The following GRM7 variants were observed in gnomAD, a reference collection of about 807,000 sequenced individuals.
GRM7 encodes the protein glutamate metabotropic receptor 7.
Under a neutral mutation model 84.5 loss-of-function variants are expected in GRM7, and 35 were observed. That is an observed-to-expected ratio of 0.41 (90% CI 0.32 to 0.55). The LOEUF is 0.55. Among genes scored for constraint, GRM7 ranks in the 20% least tolerant of loss-of-function variants. The pLI is 0.19. For synonymous variants in GRM7, 487 were observed against 455.1 expected (o/e 1.07, Z -0.89); for missense variants, 1,003 against 1,194.6 (o/e 0.84, Z 2.36).
At chr3:7,567,959 C>T (rs1012718025) in intron 7 of GRM7, among the ~76,000 whole-genome samples, 2 of 152,000 alleles carry the variant, frequency 1.3e-5, no homozygotes, top group Non-Finnish European at 2.9e-5. Flanking sequence ...CAGGGTGTCC[C>T]AGTTTATGAA....
At chr3:7,217,046 TG>T (rs1197761751) in intron 2 of GRM7, among the ~76,000 whole-genome samples, 2 of 152,184 alleles carry the variant, frequency 1.3e-5, no homozygotes, top group Admixed American at 6.5e-5. Flanking sequence ...TGGCATACCT[TG>T]AAGGTAGTTT....
chr3:6,969,690 G>C (rs1467184795), intron 1 of GRM7, among the ~76,000 whole-genome samples: 2 of 152,162 alleles, frequency 1.3e-5, no homozygotes, highest in Non-Finnish European at 2.9e-5. Context: ...TCCATCACAT[G>C]ATCTCCATGG....
intron 2 of GRM7, among the ~76,000 whole-genome samples, chr3:7,207,673 T>C (rs73126263): frequency 0.064 from 9,738 of 152,208 alleles, 866 homozygotes; most frequent in African/African-American, 0.21. Context: ...AAGTGAAGGA[T>C]TCTCTCTCCT....
chr3:7,690,776 A>G (rs1700771158), intron 9 of GRM7, among the ~76,000 whole-genome samples: 2 of 152,232 alleles, frequency 1.3e-5, no homozygotes, highest in Admixed American at 6.5e-5. Context: ...TGGTAAACAC[A>G]AAAACATAAG....
intron 1 of GRM7, among the ~76,000 whole-genome samples, chr3:7,072,498 A>G (rs1006633197): frequency 6.6e-6 from 1 of 152,062 alleles, no homozygotes; most frequent in East Asian, 1.9e-4. Context: ...CCTTGGCAAC[A>G]TAGTGAGACC....
chr3:7,206,286 A>G (rs1018241155), intron 2 of GRM7, among the ~76,000 whole-genome samples: 20 of 152,224 alleles, frequency 1.3e-4, no homozygotes, highest in Non-Finnish European at 5.9e-5. Context: ...TTAAATGTTC[A>G]GTGGGAGAAG....
chr3:7,081,606 A>G (rs1698278571), intron 1 of GRM7, among the ~76,000 whole-genome samples: 1 of 152,072 alleles, frequency 6.6e-6, no homozygotes, highest in Non-Finnish European at 1.5e-5. Flanking sequence ...CTCACTTTAA[A>G]TCAACAGCTA....
At chr3:7,221,232 C>T (rs895601275) in intron 2 of GRM7, among the ~76,000 whole-genome samples, 1 of 152,124 alleles carries the variant, frequency 6.6e-6, no homozygotes, top group Middle Eastern at 3.2e-3. Flanking sequence ...GTTTTCTTTA[C>T]CAAATGTTTG....
chr3:7,155,954 A>G (rs1043731935), intron 2 of GRM7, among the ~76,000 whole-genome samples: 3 of 152,190 alleles, frequency 2.0e-5, no homozygotes, highest in Non-Finnish European at 4.4e-5. Context: ...CACTTAAACC[A>G]CATTGTCCAT....
intron 6 of GRM7, 122 bp downstream of exon 6, chr3:7,452,929 T>C: frequency 3.1e-6 from 2 of 643,412 alleles, no homozygotes; most frequent in East Asian, 5.5e-5. Context: ...ATTATAAAAC[T>C]TTAAATGATT....
At chr3:7,380,121 C>T (rs913991917) in intron 4 of GRM7, among the ~76,000 whole-genome samples, 7 of 151,844 alleles carry the variant, frequency 4.6e-5, no homozygotes, top group Admixed American at 2.6e-4. Context: ...ATGGGAGGTC[C>T]ATATTTAGTT....
intron 8 of GRM7, among the ~76,000 whole-genome samples, chr3:7,637,794 C>T (rs1438621968): frequency 1.3e-5 from 2 of 152,180 alleles, no homozygotes; most frequent in Admixed American, 6.5e-5. Context: ...GCAATATTAG[C>T]ACTGAAATGC....
chr3:7,229,735 ATATATATATATATATATATATATATTT>A lies in GRM7; in HGVS notation c.737-68947_737-68921del, dbSNP rs1232616923. Among the ~76,000 whole-genome samples, 12 of 23,620 alleles carry A rather than the reference ATATATATATATATATATATATATATTT, an allele frequency of 5.1e-4. 2 individuals carry two copies. The highest frequency in any genetic ancestry group is 5.2e-4 in the Non-Finnish European group (6 of 11,524). 15.5% of individuals were successfully genotyped at this position (23,620 alleles called of 152,430 possible). A position where few individuals can be genotyped will look rare whatever the true frequency, so the allele number is the denominator to read the frequency against. ...TCTCCATAGACACACACATATATAT[ATATATATATATATATATATATATATTT>A]TTTTTTTTTTTTGGTTGACAGGTGT... On this transcript the variant is annotated intron_variant, in intron 2 of 9. Transcript: ENST00000357716.
chr3:7,408,174 A>G (rs888274537), intron 4 of GRM7, among the ~76,000 whole-genome samples: 1 of 152,188 alleles, frequency 6.6e-6, no homozygotes, highest in Admixed American at 6.5e-5. Flanking sequence ...TTAAACTATC[A>G]ATTTAATATG....
intron 4 of GRM7, among the ~76,000 whole-genome samples, chr3:7,370,181 A>T (rs529376080): frequency 7.6e-4 from 115 of 152,286 alleles, no homozygotes; most frequent in African/African-American, 2.7e-3. Context: ...TGAAGCCAAG[A>T]CTTAAATAAA....
At chr3:7,564,192 G>A (rs761278264) in intron 7 of GRM7, among the ~76,000 whole-genome samples, 2 of 152,168 alleles carry the variant, frequency 1.3e-5, no homozygotes, top group Non-Finnish European at 2.9e-5. Flanking sequence ...AAGGTAAAGA[G>A]TTAAAGATGA....
At chr3:6,906,899 A>T (rs1423585919) in intron 1 of GRM7, among the ~76,000 whole-genome samples, 1 of 152,192 alleles carries the variant, frequency 6.6e-6, no homozygotes, top group East Asian at 1.9e-4. Flanking sequence ...AGAACTGCAC[A>T]TATTTAGCAT....
chr3:7,124,386 A>G (rs1693328377), intron 1 of GRM7, among the ~76,000 whole-genome samples: 1 of 152,154 alleles, frequency 6.6e-6, no homozygotes, highest in African/African-American at 2.4e-5. Context: ...CACGCTTGTA[A>G]TCCCAGATTC....
chr3:6,963,925 C>G (rs955486856), intron 1 of GRM7, among the ~76,000 whole-genome samples: 1 of 152,154 alleles, frequency 6.6e-6, no homozygotes, highest in Admixed American at 6.5e-5. Context: ...TTGATAAAAG[C>G]TTGTTTTTGA....
Sources: allele counts gnomAD v4.1 joint callset (sites outside exome capture counted in the v4.1 genomes callset), GRCh38; gene constraint gnomAD v4.1.1; transcripts MANE v1.5; gene names NCBI Gene and HGNC (gene_info 2026-07-23, HGNC 2026-07-21).